CTNND1: variants seen among roughly 807,000 people sequenced by gnomAD.
CTNND1 encodes catenin delta-1.
A neutral mutation model predicts 112.1 loss-of-function variants in CTNND1; 16 were observed. The observed-to-expected ratio is 0.14, with a 90% CI of 0.10 to 0.22. The LOEUF (loss-of-function observed/expected upper bound fraction) is 0.22. Ranked by LOEUF, CTNND1 falls within the 10% of genes least tolerant of loss-of-function variation. The pLI, the probability that CTNND1 is intolerant of heterozygous loss-of-function variation, is 1.00. For missense variants in CTNND1, 1,008 were observed against 1,257.0 expected (o/e 0.80, Z 3.00); for synonymous variants, 420 against 446.5 (o/e 0.94, Z 0.75).
At position 57,801,854 on chromosome 11, in the gene CTNND1, C is replaced by T. The variant is rs1361441878; in HGVS notation, c.1078C>T (p.Pro360Ser). ...LDSLRKGGPPPPNWRQPELPE... is the reference protein window; with the variant it reads ...LDSLRKGGPPSPNWRQPELPE... The stretch of plus-strand genomic sequence containing the variant: ...TAGCCTGCGCAAAGGAGGGCCTCCA[C>T]CTCCTAATTGGAGACAGCCAGAGCT... The change falls in exon 7 of 21, where the codon CCT becomes TCT. Residue 360 changes from proline to serine, a missense_variant. This residue lies in a region of CTNND1 where 216 missense variants were observed against 342.8 expected (regional missense o/e 0.63). Transcript: ENST00000399050. The T allele has an allele frequency of 6.2e-7, 1 of 1,613,930 alleles. No homozygotes were observed. Among genetic ancestry groups the T allele is most frequent in the Non-Finnish European group, 8.5e-7 (1 of 1,179,916 alleles).
intron 1 of CTNND1, among the ~76,000 whole-genome samples, chr11:57,770,366 G>A (rs1252647832): frequency 2.7e-5 from 4 of 150,280 alleles, no homozygotes; most frequent in Admixed American, 2.0e-4. Flanking sequence ...AAAGATTTTT[G>A]TTACACGGTT....
At chr11:57,764,832 C>T (rs1318467292) in intron 1 of CTNND1, among the ~76,000 whole-genome samples, 2 of 152,092 alleles carry the variant, frequency 1.3e-5, no homozygotes, top group African/African-American at 4.8e-5. Context: ...TAAAACGAGC[C>T]CTTGCTAGAG....
intron 1 of CTNND1, among the ~76,000 whole-genome samples, chr11:57,778,443 A>C (rs2059233266): frequency 6.6e-6 from 1 of 152,162 alleles, no homozygotes; most frequent in Non-Finnish European, 1.5e-5. Context: ...TAAAATCCCT[A>C]ATGCAGTGCC....
chr11:57,791,696 G>C, intron 3 of CTNND1, 23 bp downstream of exon 3: 1 of 1,509,980 alleles, frequency 6.6e-7, no homozygotes, highest in South Asian at 1.3e-5. Context: ...TCCATCAGAC[G>C]TGCAGGTAGG....
Position 57,818,097 on chromosome 11 carries a change from C to T in CTNND1, c.*1789C>T, listed in dbSNP as rs941926287. ...TTCTGGCAAAAAGGAGCCTTTTGCT[C>T]TCTGTGACCCTAAGAGCACACTGCA... On this transcript the variant is annotated 3_prime_UTR_variant, in exon 21 of 21. Transcript: ENST00000399050. 4 of 152,468 alleles carry T rather than the reference C, an allele frequency of 2.6e-5. No individual in the cohort carries two copies. The highest frequency in any genetic ancestry group is 4.8e-5 in the African/African-American group (2 of 41,394). The allele number at this position is 152,468 out of a possible 1,614,324, so 9.4% of individuals were successfully genotyped here.
At chr11:57,813,088 T>G (rs658936) in intron 17 of CTNND1, among the ~76,000 whole-genome samples, 80,995 of 151,958 alleles carry the variant, frequency 0.53, 23,117 homozygotes, top group East Asian at 0.9. Flanking sequence ...CTCAGTACTT[T>G]GGGAGACTGA....
At chr11:57,794,897 A>C (rs867039940) in intron 4 of CTNND1, among the ~76,000 whole-genome samples, 2 of 151,754 alleles carry the variant, frequency 1.3e-5, no homozygotes, top group Admixed American at 6.6e-5. Context: ...AAAAAAAAAA[A>C]AACAAAGTTC....
intron 10 of CTNND1, 149 bp from the exon 11 acceptor site, chr11:57,806,312 C>T: frequency 1.2e-6 from 1 of 828,336 alleles, no homozygotes; most frequent in Non-Finnish European, 1.9e-6. Flanking sequence ...GGACCTTCTT[C>T]CCCATACGTC....
intron 2 of CTNND1, among the ~76,000 whole-genome samples, chr11:57,791,093 T>C (rs1396260064): frequency 6.6e-6 from 1 of 152,140 alleles, no homozygotes; most frequent in East Asian, 1.9e-4. Context: ...AATAATCCAA[T>C]CTCATAACTA....
intron 17 of CTNND1, among the ~76,000 whole-genome samples, chr11:57,811,823 T>C (rs2063395590): frequency 6.6e-6 from 1 of 152,160 alleles, no homozygotes; most frequent in African/African-American, 2.4e-5. Context: ...AATTACAAAA[T>C]ATAAACAATC....
intron 15 of CTNND1, 116 bp downstream of exon 15, chr11:57,809,582 G>T: frequency 1.2e-6 from 1 of 848,006 alleles, no homozygotes; most frequent in East Asian, 2.7e-5. Flanking sequence ...TGTGTGAAGA[G>T]CTATTGCTCT....
intron 1 of CTNND1, among the ~76,000 whole-genome samples, chr11:57,786,045 T>C (rs2060095458): frequency 6.6e-6 from 1 of 152,118 alleles, no homozygotes; most frequent in Non-Finnish European, 1.5e-5. Flanking sequence ...CAGGAATATC[T>C]TTCTAGTGTG....
Position 57,804,683 on chromosome 11 carries a change from G to A in CTNND1, c.1625G>A (p.Ser542Asn). ...CTCAGGAATGTAAGCTCAGAGAGGAGTGAAGCTCGCCGGAAACTTCGGGAA... is the reference window on the plus strand; with the variant it reads ...CTCAGGAATGTAAGCTCAGAGAGGAATGAAGCTCGCCGGAAACTTCGGGAA... ...GCLRNVSSER[S>N]EARRKLRECD... Residue 542 changes from serine (S) to asparagine (N), a missense_variant, in exon 9 of 21, where the codon AGT (serine) becomes AAT (asparagine). Physicochemically the swap from Ser to Asn is conservative, Grantham distance 46 (BLOSUM62 1). Around this residue, in one of 5 missense-constraint regions of CTNND1, gnomAD observed 216 missense variants for 342.8 expected, o/e 0.63. Transcript: ENST00000399050. The A allele has an allele frequency of 6.2e-7, 1 of 1,613,878 alleles. No homozygotes were observed. Among genetic ancestry groups the A allele is most frequent in the Non-Finnish European group, 8.5e-7 (1 of 1,179,810 alleles).
chr11:57,818,858 C>G lies in CTNND1; in HGVS notation c.*2550C>G, dbSNP rs893854432. 2.6e-5 allele frequency: 4 copies of G among 152,094 alleles called. No individual in the cohort carries two copies. The highest frequency in any genetic ancestry group is 1.5e-5 in the Non-Finnish European group (1 of 68,022). The allele number at this position is 152,094 out of a possible 1,614,324, so 9.4% of individuals were successfully genotyped here. On this transcript the variant is annotated 3_prime_UTR_variant, in exon 21 of 21. Transcript: ENST00000399050. The stretch of plus-strand genomic sequence containing the variant: ...ACTAGAAGATTAGAAACTACCAATC[C>G]CAACTACGTAATAGGAAAATGTAGG...
chr11:57,815,691 G>A (rs942367467), intron 19 of CTNND1, 191 bp downstream of exon 19: 7 of 786,116 alleles, frequency 8.9e-6, no homozygotes, highest in African/African-American at 3.4e-5. Context: ...TCAAAATGGG[G>A]GAAGCATGTC....
At chr11:57,802,314 G>T in intron 7 of CTNND1, 118 bp downstream of exon 7, 1 of 865,648 alleles carries the variant, frequency 1.2e-6, no homozygotes. Context: ...GGTGGCTGTG[G>T]GTCAAATCCA....
chr11:57,762,583 G>A (rs879390992), intron 1 of CTNND1, among the ~76,000 whole-genome samples: 1 of 152,102 alleles, frequency 6.6e-6, no homozygotes, highest in Non-Finnish European at 1.5e-5. Context: ...AGTGTAAATG[G>A]TATTGTTTTT....
intron 1 of CTNND1, among the ~76,000 whole-genome samples, chr11:57,771,936 C>CTT: frequency 6.9e-6 from 1 of 144,062 alleles, no homozygotes; most frequent in Non-Finnish European, 1.5e-5. Context: ...TTTTCTTTTT[C>CTT]TTTTTTTTTT....
rs11570213 is a variant in CTNND1 at position 57,810,040 on chromosome 11, G to A, written c.2436-69G>A. On this transcript the variant is annotated intron_variant, in intron 15 of 20. Coordinates refer to ENST00000399050, the MANE Select transcript of CTNND1 (RefSeq NM_001085458.2). ...GCATTTATATTCTTATGTTATTAGA[G>A]GATATAGGGTCTAAGCTTTTTTCCT... 743 of 1,174,006 alleles carry A rather than the reference G, an allele frequency of 6.3e-4. 12 individuals are homozygous for A. In the East Asian group the frequency reaches 0.018, roughly 28 times the overall value. 72.7% of individuals were successfully genotyped at this position (1,174,006 alleles called of 1,614,324 possible).
Sources: allele counts gnomAD v4.1 joint callset (sites outside exome capture counted in the v4.1 genomes callset), GRCh38; gene constraint gnomAD v4.1.1; regional missense constraint gnomAD v4.1.1; transcripts MANE v1.5; gene names NCBI Gene and HGNC (gene_info 2026-07-23, HGNC 2026-07-21).